Variants in DENND4B observed in about 807,000 individuals in gnomAD.
DENND4B encodes DENN domain-containing protein 4B.
A neutral mutation model predicts 161.0 loss-of-function variants in DENND4B; 67 were observed. The ratio of observed to expected loss-of-function variants is 0.42; its 90% confidence interval spans 0.34 to 0.51. DENND4B has a LOEUF of 0.51. Ranked by LOEUF, DENND4B falls within the 20% of genes least tolerant of loss-of-function variation. DENND4B has a pLI of 0.08. For synonymous variants in DENND4B, 753 were observed against 813.8 expected (o/e 0.93, Z 1.27); for missense variants, 1,481 against 1,968.0 (o/e 0.75, Z 4.68).
rs1206751332 is a variant in DENND4B at position 153,930,759 on chromosome 1, C to T, written c.4213G>A (p.Val1405Met). 6.2e-7 allele frequency: 1 copy of T among 1,610,758 alleles called. No individual in the cohort carries two copies. The highest frequency in any genetic ancestry group is 8.5e-7 in the Non-Finnish European group (1 of 1,178,426). ...AGCAGGAGCCCCACAGCCTTGTGCACTTCATTGAGTCCAACATGGCGCAGC... is the reference window on the plus strand; with the variant it reads ...AGCAGGAGCCCCACAGCCTTGTGCATTTCATTGAGTCCAACATGGCGCAGC... ...SVLRHVGLNE[V>M]HKAVGLLLET... Residue 1405 changes from valine (V) to methionine (M), a missense_variant, in exon 26 of 28, where the codon GTG becomes ATG. Transcript: ENST00000361217. The surrounding 1 kb of genome is among the most constrained non-coding windows in gnomAD (Gnocchi z 4.7).
chr1:153,932,195 G>T lies in DENND4B; in HGVS notation c.3996+9C>A. ...ACTTAGGAAACAGGGGCCACATGGG[G>T]GCACTGACCTGGGAGTGCGAAGGCC... is the stretch of plus-strand genomic sequence containing the variant. On this transcript the variant is annotated intron_variant, in intron 24 of 27. Coordinates refer to ENST00000361217, the MANE Select transcript of DENND4B (RefSeq NM_014856.3). This position sits in a 1 kb window ranked among gnomAD's most constrained non-coding sequence, Gnocchi z 5.8. 2 of 1,610,624 alleles carry T rather than the reference G, an allele frequency of 1.2e-6. No homozygotes were observed. Among genetic ancestry groups the T allele is most frequent in the Non-Finnish European group, 1.7e-6 (2 of 1,177,636 alleles).
In DENND4B at chr1:153,937,810, C is replaced by T; in HGVS notation, c.2019G>A (p.Glu673=). The change falls in exon 14 of 28, where the codon GAG becomes GAA. Residue 673 remains glutamate (E), a synonymous_variant. Coordinates refer to ENST00000361217, the MANE Select transcript of DENND4B (RefSeq NM_014856.3). The surrounding 1 kb of genome is among the most constrained non-coding windows in gnomAD (Gnocchi z 4.7). ...AGACAGTGAGCTCACTTCCTGACAG[C>T]TCCTCTAGCTCCACTAAGGGTGTCG... ...PEPTPLVELE[E]LSGSELTVFI... is the part of the protein sequence containing the mutation. 6.2e-7 allele frequency: 1 copy of T among 1,613,976 alleles called. No homozygotes were observed. Among genetic ancestry groups the T allele is most frequent in the Non-Finnish European group, 8.5e-7 (1 of 1,179,866 alleles).
intron 2 of DENND4B, 67 bp from the exon 3 acceptor site, chr1:153,943,197 G>A (rs2102069588): frequency 6.5e-7 from 1 of 1,547,550 alleles, no homozygotes; most frequent in East Asian, 2.3e-5. Context: ...AATCCTGCCA[G>A]ATCTGCCTAT....
At position 153,934,347 on chromosome 1, in the gene DENND4B, C is replaced by A; in HGVS notation, c.2774-45G>T. ...GTTTAGAGGCGGCCAGCTAGGAACC[C>A]AGTCCCCTGTTCCAAAATAGAGCTC... On this transcript the variant is annotated intron_variant, in intron 18 of 27. Coordinates refer to ENST00000361217, the MANE Select transcript of DENND4B (RefSeq NM_014856.3). This position sits in a 1 kb window ranked among gnomAD's most constrained non-coding sequence, Gnocchi z 5.3. 1 of 1,529,986 alleles carries A rather than the reference C, an allele frequency of 6.5e-7. No homozygotes were observed. Among genetic ancestry groups the A allele is most frequent in the African/African-American group, 1.4e-5 (1 of 71,302 alleles). 94.8% of individuals were successfully genotyped at this position (1,529,986 alleles called of 1,614,324 possible). A position where few individuals can be genotyped will look rare whatever the true frequency, so the allele number is the denominator to read the frequency against.
At position 153,940,810 on chromosome 1, in the gene DENND4B, A is replaced by G. The variant is rs1679621029; in HGVS notation, c.1326+94T>C. The G allele has an allele frequency of 1.4e-6, 2 of 1,480,142 alleles. No homozygotes were observed. Among genetic ancestry groups the G allele is most frequent in the African/African-American group, 2.8e-5 (2 of 71,186 alleles). 91.7% of individuals were successfully genotyped at this position (1,480,142 alleles called of 1,614,324 possible). On this transcript the variant is annotated intron_variant, in intron 9 of 27. Transcript: ENST00000361217. The surrounding 1 kb of genome is among the most constrained non-coding windows in gnomAD (Gnocchi z 5.6). ...CAGGGAAAGGGGCTGAGGATCCTCC[A>G]CAAGGAAGGAAAAGGGAAGAGTCCA...
Position 153,939,661 on chromosome 1 carries a change from C to T in DENND4B, c.1747G>A (p.Val583Ile), listed in dbSNP as rs765617657. 4 of 1,613,800 alleles carry T rather than the reference C, an allele frequency of 2.5e-6. No homozygotes were observed. The African/African-American group carries it at 5.3e-5, about 22-fold the overall frequency. Reference protein sequence around the residue: ...FMACLLKGYRVFLRPLTQAPS... With the variant: ...FMACLLKGYRIFLRPLTQAPS... ...GCCTGGGTGAGTGGGCGCAGGAAGA[C>T]CCGGTAGCCCTTGAGCAGACAGGCC... The change falls in exon 12 of 28, where the codon GTC becomes ATC. Residue 583 changes from valine to isoleucine, a missense_variant. This residue lies in a region of DENND4B where 806 missense variants were observed against 1,134.4 expected (regional missense o/e 0.71). Transcript: ENST00000361217.
rs774031487 is a variant in DENND4B, at chr1:153,939,052, G to A, written c.1820-7C>T. On this transcript the variant is annotated splice_polypyrimidine_tract_variant and splice_region_variant and intron_variant, in intron 12 of 27. Coordinates refer to ENST00000361217, the MANE Select transcript of DENND4B (RefSeq NM_014856.3). ...TCCCGGGATTTGAGGAAGCCTGAGGGGTATGAGAATGGGGCAGAGGAGGGG... is the reference window on the plus strand; with the variant it reads ...TCCCGGGATTTGAGGAAGCCTGAGGAGTATGAGAATGGGGCAGAGGAGGGG... 1 of 1,611,456 alleles carries A rather than the reference G, an allele frequency of 6.2e-7. No homozygotes were observed. The highest frequency in any genetic ancestry group is 8.5e-7 in the Non-Finnish European group (1 of 1,178,930).
rs566942055 is a variant in DENND4B, at chr1:153,934,899, C to A, written c.2634G>T (p.Arg878=). ...ACTGAGCAGCCCCCAGGACAACATT[C>A]CGGAGCTTGGCCCAGCGCAGACGCC... ...PGGRLRWAKL[R]NVVLGAAQFR... The change falls in exon 18 of 28, where the codon CGG becomes CGT. Residue 878 remains arginine (R), a synonymous_variant. Coordinates refer to ENST00000361217, the MANE Select transcript of DENND4B (RefSeq NM_014856.3). The surrounding 1 kb of genome is among the most constrained non-coding windows in gnomAD (Gnocchi z 5.3). 7.4e-6 allele frequency: 12 copies of A among 1,613,622 alleles called. No homozygotes were observed. The Admixed American group carries it at 1.7e-4, about 22-fold the overall frequency.
Position 153,934,356 on chromosome 1 carries a change from G to T in DENND4B, c.2774-54C>A. On this transcript the variant is annotated intron_variant, in intron 18 of 27. Transcript: ENST00000361217. The surrounding 1 kb of genome is among the most constrained non-coding windows in gnomAD (Gnocchi z 5.3). ...CGGCCAGCTAGGAACCCAGTCCCCT[G>T]TTCCAAAATAGAGCTCCTTAGATGG... is the stretch of plus-strand genomic sequence containing the variant. The T allele has an allele frequency of 3.9e-6, 6 of 1,523,182 alleles. No individual in the cohort carries two copies. Among genetic ancestry groups the T allele is most frequent in the Non-Finnish European group, 5.3e-6 (6 of 1,141,194 alleles). The allele number at this position is 1,523,182 out of a possible 1,614,324, so 94.4% of individuals were successfully genotyped here. A position where few individuals can be genotyped will look rare whatever the true frequency, so the allele number is the denominator to read the frequency against.
chr1:153,942,132 G>A lies in DENND4B; in HGVS notation c.811-19C>T, dbSNP rs1271185256. 4 of 1,613,734 alleles carry A rather than the reference G, an allele frequency of 2.5e-6. No homozygotes were observed. The highest frequency in any genetic ancestry group is 3.4e-6 in the Non-Finnish European group (4 of 1,179,854). ...CATACACCTGGCAGGGGGCAGAAGG[G>A]TAGTCAGGCAGGCCCTGCATAGCCT... On this transcript the variant is annotated intron_variant, in intron 5 of 27. Transcript: ENST00000361217. The surrounding 1 kb of genome is among the most constrained non-coding windows in gnomAD (Gnocchi z 6.9).
At chr1:153,939,274 T>G (rs565306835) in intron 12 of DENND4B, among the ~76,000 whole-genome samples, 3,679 of 151,372 alleles carry the variant, frequency 0.024, 76 homozygotes, top group Non-Finnish European at 0.041. Context: ...TGCCTCAGAC[T>G]GGGGGGGGTC....
chr1:153,940,351 T>G lies in DENND4B; in HGVS notation c.1502+80A>C. On this transcript the variant is annotated intron_variant, in intron 10 of 27. Coordinates refer to ENST00000361217, the MANE Select transcript of DENND4B (RefSeq NM_014856.3). The surrounding 1 kb of genome is among the most constrained non-coding windows in gnomAD (Gnocchi z 5.6). Reference sequence around the variant, plus strand: ...TCCCTCACTTTGTGCCTGAAGCTCTTTTTGAGCCCGTAGCACTCCACACAC... The same window carrying G: ...TCCCTCACTTTGTGCCTGAAGCTCTGTTTGAGCCCGTAGCACTCCACACAC... The G allele has an allele frequency of 6.4e-7, 1 of 1,567,042 alleles. No individual in the cohort carries two copies. Among genetic ancestry groups the G allele is most frequent in the Non-Finnish European group, 8.7e-7 (1 of 1,153,340 alleles).
chr1:153,930,435 G>A lies in DENND4B; in HGVS notation c.4353C>T (p.Phe1451=), dbSNP rs772373190. 18 of 1,613,852 alleles carry A rather than the reference G, an allele frequency of 1.1e-5. No homozygotes were observed. The highest frequency in any genetic ancestry group is 3.3e-5 in the South Asian group (3 of 91,086). ...LGKDHVDIVA[F]DKKYKSAFNK... The stretch of plus-strand genomic sequence containing the variant: ...TAAAGGCAGACTTGTACTTCTTATC[G>A]AAGGCCACTAGGGAAGAAGGTGGAA... The change falls in exon 28 of 28, where the codon TTC becomes TTT. Residue 1451 remains phenylalanine, a synonymous_variant. Coordinates refer to ENST00000361217, the MANE Select transcript of DENND4B (RefSeq NM_014856.3). This position sits in a 1 kb window ranked among gnomAD's most constrained non-coding sequence, Gnocchi z 4.7.
chr1:153,937,745 C>T lies in DENND4B; in HGVS notation c.2084G>A (p.Ser695Asn). Residue 695 changes from serine to asparagine, a missense_variant, in exon 14 of 28, where the codon AGT (serine) becomes AAT (asparagine). Around this residue, in one of 3 missense-constraint regions of DENND4B, gnomAD observed 806 missense variants for 1,134.4 expected, o/e 0.71. Transcript: ENST00000361217. The surrounding 1 kb of genome is among the most constrained non-coding windows in gnomAD (Gnocchi z 4.7). ...TCACCAGTACTGGGGAGTGGATTCACTGCCCTCTGGTAAGGCAGGCTCCTC... is the reference window on the plus strand; with the variant it reads ...TCACCAGTACTGGGGAGTGGATTCATTGCCCTCTGGTAAGGCAGGCTCCTC... ...PPEEPALPEG[S>N]ESTPQYCYDG... The T allele has an allele frequency of 1.2e-6, 2 of 1,614,036 alleles. No homozygotes were observed. The highest frequency in any genetic ancestry group is 1.7e-6 in the Non-Finnish European group (2 of 1,179,904).
chr1:153,932,175 G>C lies in DENND4B; in HGVS notation c.3996+29C>G, dbSNP rs773723786. On this transcript the variant is annotated intron_variant, in intron 24 of 27. Coordinates refer to ENST00000361217, the MANE Select transcript of DENND4B (RefSeq NM_014856.3). This position sits in a 1 kb window ranked among gnomAD's most constrained non-coding sequence, Gnocchi z 5.8. Reference sequence around the variant, plus strand: ...GGCTGAGAGATGAGGGAGGCACTTAGGAAACAGGGGCCACATGGGGGCACT... The same window carrying C: ...GGCTGAGAGATGAGGGAGGCACTTACGAAACAGGGGCCACATGGGGGCACT... The C allele has an allele frequency of 6.3e-7, 1 of 1,592,132 alleles. No individual in the cohort carries two copies. Among genetic ancestry groups the C allele is most frequent in the Middle Eastern group, 1.7e-4 (1 of 6,054 alleles).
At position 153,934,601 on chromosome 1, in the gene DENND4B, C is replaced by T; in HGVS notation, c.2773+159G>A. Reference sequence around the variant, plus strand: ...GGACTACAGGTGCGCGCCACCACGCCCAGCTAATTTTTTTATCCCTTTTGT... The same window carrying T: ...GGACTACAGGTGCGCGCCACCACGCTCAGCTAATTTTTTTATCCCTTTTGT... On this transcript the variant is annotated intron_variant, in intron 18 of 27. Transcript: ENST00000361217. This position sits in a 1 kb window ranked among gnomAD's most constrained non-coding sequence, Gnocchi z 5.3. 7.6e-7 allele frequency: 1 copy of T among 1,322,498 alleles called. No homozygotes were observed. Among genetic ancestry groups the T allele is most frequent in the Non-Finnish European group, 1.0e-6 (1 of 985,380 alleles). The allele number at this position is 1,322,498 out of a possible 1,614,324, so 81.9% of individuals were successfully genotyped here. A position where few individuals can be genotyped will look rare whatever the true frequency, so the allele number is the denominator to read the frequency against.
intron 6 of DENND4B, 97 bp downstream of exon 6, chr1:153,941,772 C>CCGGGGGGGGG: frequency 6.8e-7 from 1 of 1,464,446 alleles, no homozygotes; most frequent in Non-Finnish European, 9.3e-7. Context: ...TACCCTGTGC[C>CCGGGGGGGGG]CAGCCCTCCC....
chr1:153,940,265 A>C lies in DENND4B; in HGVS notation c.1503-9T>G. The C allele has an allele frequency of 6.3e-7, 1 of 1,590,506 alleles. No individual in the cohort carries two copies. Among genetic ancestry groups the C allele is most frequent in the Non-Finnish European group, 8.6e-7 (1 of 1,169,330 alleles). ...GCTTCTTTTCCTCAGTCCTGTGAGA[A>C]AAGCATAAGGGGAAAGAGTGGCGAG... is the stretch of plus-strand genomic sequence containing the variant. On this transcript the variant is annotated splice_polypyrimidine_tract_variant and intron_variant, in intron 10 of 27. Coordinates refer to ENST00000361217, the MANE Select transcript of DENND4B (RefSeq NM_014856.3). This position sits in a 1 kb window ranked among gnomAD's most constrained non-coding sequence, Gnocchi z 5.6.
rs780515115 is a variant in DENND4B at position 153,933,179 on chromosome 1, G to A, written c.3453+18C>T. 19 of 1,612,676 alleles carry A rather than the reference G, an allele frequency of 1.2e-5. 1 individual carries two copies. The highest frequency in any genetic ancestry group is 7.7e-5 in the South Asian group (7 of 90,820). On this transcript the variant is annotated intron_variant, in intron 21 of 27. Transcript: ENST00000361217. The surrounding 1 kb of genome is among the most constrained non-coding windows in gnomAD (Gnocchi z 5.7). ...TATGTGTGTTCAAGCACATCTGTGTGGGAGGGGTTATCCTCACTTCCAGGG... is the reference window on the plus strand; with the variant it reads ...TATGTGTGTTCAAGCACATCTGTGTAGGAGGGGTTATCCTCACTTCCAGGG...
Sources: allele counts gnomAD v4.1 joint callset (sites outside exome capture counted in the v4.1 genomes callset), GRCh38; gene constraint gnomAD v4.1.1; regional missense constraint gnomAD v4.1.1; non-coding constraint Gnocchi (gnomAD v3.1); transcripts MANE v1.5; gene names NCBI Gene and HGNC (gene_info 2026-07-23, HGNC 2026-07-21).